Variants in PEAK1 observed in about 807,000 individuals in gnomAD.
PEAK1 encodes pseudopodium enriched atypical kinase 1, also known as inactive tyrosine-protein kinase PEAK1.
Under a neutral mutation model 124.7 loss-of-function variants are expected in PEAK1, and 54 were observed. The observed-to-expected ratio is 0.43, with a 90% confidence interval of 0.35 to 0.54. The LOEUF (loss-of-function observed/expected upper bound fraction) is 0.54. Ranked by LOEUF, PEAK1 falls within the 20% of genes least tolerant of loss-of-function variation. The pLI, the probability that PEAK1 is intolerant of heterozygous loss-of-function variation, is 0.01. For missense variants in PEAK1, 2,046 were observed against 2,134.5 expected (o/e 0.96, Z 0.82); for synonymous variants, 719 against 760.0 (o/e 0.95, Z 0.89).
chr15:77,267,066 C>T (rs547500135), intron 5 of PEAK1, among the ~76,000 whole-genome samples: 1 of 152,132 alleles, frequency 6.6e-6, no homozygotes, highest in Non-Finnish European at 1.5e-5. Context: ...AGGACTCTGG[C>T]TGCCGGCATT....
intron 9 of PEAK1, among the ~76,000 whole-genome samples, chr15:77,119,030 C>G (rs919282286): frequency 2.0e-5 from 3 of 152,218 alleles, no homozygotes; most frequent in African/African-American, 4.8e-5. Flanking sequence ...AACTGTGCAG[C>G]AGGAGAACAA....
In PEAK1 at chr15:77,180,464, T is replaced by G. The variant is rs778910987; in HGVS notation, c.1463A>C (p.His488Pro). 1 of 1,614,050 alleles carries G rather than the reference T, an allele frequency of 6.2e-7. No homozygotes were observed. The highest frequency in any genetic ancestry group is 2.2e-5 in the East Asian group (1 of 44,866). The change falls in exon 7 of 10, where the codon CAC (histidine) becomes CCC (proline). Residue 488 changes from histidine to proline, a missense_variant. Physicochemically the swap from His to Pro is moderately conservative, Grantham distance 77. Transcript: ENST00000682557. The stretch of plus-strand genomic sequence containing the variant: ...GGGGCTGTTAACAGGGCCCTCGAGG[T>G]GCTCACTGGCCATGGCTGCTGACAC... ...VDVSAAMASE[H>P]LEGPVNSPKT... is the part of the protein sequence containing the mutation.
chr15:77,178,671 G>A (rs950437381), intron 7 of PEAK1, 119 bp downstream of exon 7: 13 of 934,580 alleles, frequency 1.4e-5, no homozygotes, highest in African/African-American at 3.3e-5. Context: ...ATAGATGATG[G>A]CCACAGAGTG....
At position 77,114,580 on chromosome 15, in the gene PEAK1, G is replaced by A. The variant is rs748674436; in HGVS notation, c.4817C>T (p.Pro1606Leu). 2.5e-6 allele frequency: 4 copies of A among 1,614,070 alleles called. No individual in the cohort carries two copies. The South Asian group carries it at 4.4e-5, about 18-fold the overall frequency. Reference sequence around the variant, plus strand: ...CTCTGGGTTCTCATCAAAGGGGTTGGGTAGGTGCAGCATCTCATAGATGAG... The same window carrying A: ...CTCTGGGTTCTCATCAAAGGGGTTGAGTAGGTGCAGCATCTCATAGATGAG... ...GILIYEMLHL[P>L]NPFDENPELK... The change falls in exon 10 of 10, where the codon CCC becomes CTC. Residue 1606 changes from proline to leucine, a missense_variant. By Grantham distance (98) the Pro-to-Leu change is moderately conservative. Transcript: ENST00000682557.
chr15:77,145,339 T>C (rs1427699987), intron 8 of PEAK1, among the ~76,000 whole-genome samples: 7 of 151,942 alleles, frequency 4.6e-5, no homozygotes, highest in African/African-American at 1.7e-4. Context: ...GTCCCAGATA[T>C]TCGGGAGGTT....
At chr15:77,291,391 A>G (rs183916044) in intron 2 of PEAK1, among the ~76,000 whole-genome samples, 290 of 152,256 alleles carry the variant, frequency 1.9e-3, no homozygotes, top group Non-Finnish European at 2.4e-3. Flanking sequence ...CCTCACACAT[A>G]AACACTATTA....
chr15:77,269,069 C>G (rs747113010), intron 5 of PEAK1, among the ~76,000 whole-genome samples: 5 of 148,666 alleles, frequency 3.4e-5, no homozygotes, highest in Non-Finnish European at 7.4e-5. Flanking sequence ...ATCCTTAAAG[C>G]ATAAATCTCA....
At chr15:77,391,548 T>G (rs145239239) in intron 1 of PEAK1, among the ~76,000 whole-genome samples, 1 of 144,672 alleles carries the variant, frequency 6.9e-6, no homozygotes, top group African/African-American at 2.5e-5. Context: ...GCACTGCTAT[T>G]AAAGATGCTG....
intron 9 of PEAK1, among the ~76,000 whole-genome samples, chr15:77,119,113 C>T (rs1456467068): frequency 2.3e-5 from 2 of 87,140 alleles, no homozygotes; most frequent in Non-Finnish European, 6.4e-5. Context: ...GCTTTTGCTT[C>T]TATGATGCTG....
At chr15:77,289,856 C>T (rs907539573) in intron 2 of PEAK1, among the ~76,000 whole-genome samples, 1 of 152,050 alleles carries the variant, frequency 6.6e-6, no homozygotes, top group Non-Finnish European at 1.5e-5. Flanking sequence ...AACCAAAACA[C>T]CTAAGATAAT....
intron 1 of PEAK1, among the ~76,000 whole-genome samples, chr15:77,397,834 C>A (rs769873968): frequency 1.3e-5 from 2 of 151,788 alleles, no homozygotes; most frequent in East Asian, 1.9e-4. Context: ...CCAAGGTGGG[C>A]GGATCACCTG....
intron 1 of PEAK1, among the ~76,000 whole-genome samples, chr15:77,399,610 A>T (rs916747086): frequency 3.9e-5 from 6 of 152,190 alleles, no homozygotes; most frequent in Non-Finnish European, 8.8e-5. Flanking sequence ...GGCTATCCAT[A>T]GGCAGAAGAA....
chr15:77,362,948 T>C (rs2067992116), intron 2 of PEAK1, among the ~76,000 whole-genome samples: 1 of 152,090 alleles, frequency 6.6e-6, no homozygotes, highest in Non-Finnish European at 1.5e-5. Context: ...CTCCGCCTCC[T>C]GGGTTCAAGC....
chr15:77,185,507 C>T (rs562830266), intron 6 of PEAK1, among the ~76,000 whole-genome samples: 20 of 152,304 alleles, frequency 1.3e-4, no homozygotes, highest in African/African-American at 4.8e-4. Flanking sequence ...ATTTCAAATG[C>T]TGCTGAGAGG....
At chr15:77,333,855 C>A (rs894291165) in intron 2 of PEAK1, 3 of 563,638 alleles carry the variant, frequency 5.3e-6, no homozygotes, top group Non-Finnish European at 6.7e-6. Context: ...CTTCATAATG[C>A]TACTCCTTCA....
chr15:77,229,848 T>C (rs1450098810), intron 6 of PEAK1, among the ~76,000 whole-genome samples: 1 of 152,106 alleles, frequency 6.6e-6, no homozygotes, highest in African/African-American at 2.4e-5. Flanking sequence ...GGTTTCACCA[T>C]GTTGGTCAGG....
In PEAK1 at chr15:77,134,470, CTCTTT is replaced by C. The variant is rs2053148191; in HGVS notation, c.3332-725_3332-721del. ...CGAATTCCCAAACTCTTATGTGATT[CTCTTT>C]TATTTTGGTGGGCATATACATTGTG... On this transcript the variant is annotated intron_variant, in intron 8 of 9. Transcript: ENST00000682557. 2.6e-5 allele frequency among the ~76,000 whole-genome samples: 4 copies of C among 152,266 alleles called. No homozygotes were observed. In the South Asian group the frequency reaches 6.2e-4, roughly 24 times the overall value.
rs746896385 is a variant in PEAK1, at chr15:77,109,276, T to C, written c.*4880A>G. On this transcript the variant is annotated 3_prime_UTR_variant, in exon 10 of 10. Transcript: ENST00000682557. ...GGGACATGGAAGAGATCCTTCTCCTTAAATACTGAGGAACTTTGTATCTGC... is the reference window on the plus strand; with the variant it reads ...GGGACATGGAAGAGATCCTTCTCCTCAAATACTGAGGAACTTTGTATCTGC... 9 of 152,236 alleles carry C rather than the reference T, an allele frequency of 5.9e-5. No individual in the cohort carries two copies. Among genetic ancestry groups the C allele is most frequent in the African/African-American group, 1.7e-4 (7 of 41,454 alleles). 9.4% of individuals were successfully genotyped at this position (152,236 alleles called of 1,614,324 possible).
At chr15:77,189,439 ACAG>A (rs145143746) in intron 6 of PEAK1, among the ~76,000 whole-genome samples, 2 of 151,478 alleles carry the variant, frequency 1.3e-5, no homozygotes, top group African/African-American at 2.4e-5. Context: ...GACAGTCCAC[ACAG>A]CAGCAGCAGC....
Sources: gnomAD v4.1 joint callset for allele counts (sites outside exome capture counted in the v4.1 genomes callset) on GRCh38, gnomAD v4.1.1 for gene constraint, MANE v1.5 for transcripts, NCBI Gene and HGNC (gene_info 2026-07-23, HGNC 2026-07-21) for gene names.